Variants in RBM34 observed in about 807,000 individuals in gnomAD.
The protein encoded by RBM34 is RNA-binding protein 34.
RBM34 carries 39 observed loss-of-function variants against 44.6 expected under a neutral mutation model. The ratio of observed to expected loss-of-function variants is 0.87; its 90% confidence interval spans 0.68 to 1.14. RBM34 has a LOEUF of 1.14. Ranked by LOEUF, RBM34 falls within the 50% of genes most tolerant of loss-of-function variation. RBM34 has a pLI of 0.00. For missense variants in RBM34, 572 were observed against 517.9 expected (o/e 1.10, Z -1.01); for synonymous variants, 194 against 184.0 (o/e 1.05, Z -0.44).
intron 5 of RBM34, among the ~76,000 whole-genome samples, chr1:235,151,995 T>C (rs1228687355): frequency 6.6e-6 from 1 of 151,694 alleles, no homozygotes; most frequent in Non-Finnish European, 1.5e-5. Context: ...ATCGCACCAC[T>C]GCACTCCAGC....
intron 9 of RBM34, 35 bp downstream of exon 9, chr1:235,135,995 TTTAG>T (rs754451633): frequency 1.4e-6 from 2 of 1,458,634 alleles, no homozygotes; most frequent in Admixed American, 2.0e-5. Context: ...TTGTTATTTA[TTTAG>T]TAATATTAAC....
chr1:235,135,228 ATT>A (rs749295070), intron 10 of RBM34, among the ~76,000 whole-genome samples: 1 of 106,720 alleles, frequency 9.4e-6, no homozygotes, highest in African/African-American at 4.3e-5. Flanking sequence ...AATTTTTTGT[ATT>A]TTTTTTTTTC....
intron 5 of RBM34, among the ~76,000 whole-genome samples, chr1:235,152,117 C>T (rs532727535): frequency 1.3e-5 from 2 of 151,696 alleles, no homozygotes; most frequent in Admixed American, 6.6e-5. Context: ...CACTATGGTA[C>T]GTCAACTAAC....
chr1:235,140,117 C>A (rs982557402), intron 6 of RBM34, among the ~76,000 whole-genome samples: 1 of 152,246 alleles, frequency 6.6e-6, no homozygotes, highest in African/African-American at 2.4e-5. Context: ...GAGGTGACAG[C>A]GTGCTGGCAG....
At position 235,161,175 on chromosome 1, in the gene RBM34, C is replaced by T; in HGVS notation, c.52G>A (p.Gly18Arg). The T allele has an allele frequency of 6.3e-7, 1 of 1,599,276 alleles. No individual in the cohort carries two copies. The highest frequency in any genetic ancestry group is 8.5e-7 in the Non-Finnish European group (1 of 1,169,738). ...GTACTCGTGCCGCGCGCCACTCACC[C>T]CTCCTGGACACTTCTCTTTCTCTTC... ...KRKRKRSVQE[G>R]ENPDDGVRGS... The change falls in exon 1 of 11, where the codon GGA (glycine) becomes AGA (arginine). Residue 18 changes from glycine to arginine, a missense_variant and splice_region_variant. Gly to Arg is a moderately radical substitution (Grantham distance 125). Coordinates refer to ENST00000408888, the MANE Select transcript of RBM34 (RefSeq NM_015014.4).
intron 10 of RBM34, among the ~76,000 whole-genome samples, chr1:235,133,107 C>T (rs777481532): frequency 3.3e-5 from 5 of 152,152 alleles, no homozygotes; most frequent in Non-Finnish European, 7.4e-5. Context: ...TCTGGGAGGC[C>T]AAGGCGGATA....
Position 235,135,632 on chromosome 1 carries a change from A to G in RBM34, c.1008+20T>C. On this transcript the variant is annotated intron_variant, in intron 10 of 10. Transcript: ENST00000408888. ...CCAGGGCACTTCGAAGGACAGTGAC[A>G]ATGCATTAGTCTCCCATACCTCAAA... The G allele has an allele frequency of 6.3e-7, 1 of 1,584,642 alleles. No individual in the cohort carries two copies. Among genetic ancestry groups the G allele is most frequent in the Non-Finnish European group, 8.7e-7 (1 of 1,153,052 alleles).
intron 6 of RBM34, among the ~76,000 whole-genome samples, chr1:235,145,220 A>G (rs1661851598): frequency 6.6e-6 from 1 of 152,186 alleles, no homozygotes; most frequent in Non-Finnish European, 1.5e-5. Flanking sequence ...CACTCATAAG[A>G]GAAATTCAAA....
rs142786294 is a variant in RBM34 at position 235,135,914 on chromosome 1, G to A, written c.889+120C>T. 4,582 of 1,220,494 alleles carry A rather than the reference G, an allele frequency of 3.8e-3. 14 individuals are homozygous for A. Among genetic ancestry groups the A allele is most frequent in the Non-Finnish European group, 4.4e-3 (3,815 of 857,808 alleles). 75.6% of individuals were successfully genotyped at this position (1,220,494 alleles called of 1,614,324 possible). A position where few individuals can be genotyped will look rare whatever the true frequency, so the allele number is the denominator to read the frequency against. On this transcript the variant is annotated intron_variant, in intron 9 of 10. Coordinates refer to ENST00000408888, the MANE Select transcript of RBM34 (RefSeq NM_015014.4). ...CACTTTTTAGTACATGTGCTGCCAC[G>A]GCAAACACATTGCATGCTTTAAAAT...
Position 235,131,776 on chromosome 1 carries a change from AAGG to A in RBM34, c.1227_1229del (p.Leu410del), listed in dbSNP as rs769511188. On this transcript the variant is annotated inframe_deletion, in exon 11 of 11. Coordinates refer to ENST00000408888, the MANE Select transcript of RBM34 (RefSeq NM_015014.4). ...TCTTCTGTCCTTTCTTCTTCGTTTT[AAGG>A]AGAACAGCTTTTTCTCCAATAAATA... 82 of 1,613,354 alleles carry A rather than the reference AAGG, an allele frequency of 5.1e-5. No homozygotes were observed. Among genetic ancestry groups the A allele is most frequent in the South Asian group, 6.6e-5 (6 of 90,928 alleles).
intron 5 of RBM34, among the ~76,000 whole-genome samples, chr1:235,149,670 TG>T (rs905273813): frequency 1.3e-5 from 2 of 152,108 alleles, no homozygotes; most frequent in Non-Finnish European, 2.9e-5. Context: ...GAAAACTTTA[TG>T]GAAGAGGCAG....
intron 3 of RBM34, among the ~76,000 whole-genome samples, chr1:235,157,454 A>G (rs1662499815): frequency 6.6e-6 from 1 of 152,204 alleles, no homozygotes; most frequent in Non-Finnish European, 1.5e-5. Flanking sequence ...ATGCCAAGGA[A>G]CAGGACTGAT....
intron 6 of RBM34, among the ~76,000 whole-genome samples, chr1:235,143,757 C>T (rs572039872): frequency 6.6e-6 from 1 of 152,062 alleles, no homozygotes. Context: ...CAGTACAATA[C>T]AGTACAATAC....
At chr1:235,145,863 G>GAAGCCTC (rs983043826) in intron 6 of RBM34, among the ~76,000 whole-genome samples, 10 of 151,924 alleles carry the variant, frequency 6.6e-5, no homozygotes, top group African/African-American at 2.4e-4. Flanking sequence ...ACAGTTCACT[G>GAAGCCTC]AAGCCTCAAG....
At chr1:235,147,258 C>CA (rs921529151) in intron 6 of RBM34, among the ~76,000 whole-genome samples, 3 of 151,834 alleles carry the variant, frequency 2.0e-5, no homozygotes, top group African/African-American at 7.3e-5. Context: ...AACAAAGAAA[C>CA]AAAAAAACAA....
At chr1:235,159,911 A>G (rs1440930518) in intron 3 of RBM34, among the ~76,000 whole-genome samples, 1 of 151,992 alleles carries the variant, frequency 6.6e-6, no homozygotes, top group Non-Finnish European at 1.5e-5. Flanking sequence ...TTTTATATAC[A>G]TGCTGAAATA....
intron 10 of RBM34, among the ~76,000 whole-genome samples, chr1:235,135,049 GTT>G (rs796789432): frequency 8.2e-6 from 1 of 122,248 alleles, no homozygotes; most frequent in East Asian, 2.5e-4. Flanking sequence ...TGGCCGGTTT[GTT>G]TTTTTTTTTT....
At chr1:235,135,197 A>G (rs1259375799) in intron 10 of RBM34, among the ~76,000 whole-genome samples, 1 of 141,354 alleles carries the variant, frequency 7.1e-6, no homozygotes, top group Admixed American at 7.0e-5. Flanking sequence ...GGTATGAGCC[A>G]CCACATCTGG....
intron 3 of RBM34, among the ~76,000 whole-genome samples, chr1:235,158,935 T>C (rs1662569014): frequency 6.8e-6 from 1 of 146,500 alleles, no homozygotes; most frequent in South Asian, 2.2e-4. Flanking sequence ...CTGGGCAACA[T>C]AGCAAGACCC....
Sources: gnomAD v4.1 joint callset for allele counts (sites outside exome capture counted in the v4.1 genomes callset) on GRCh38, gnomAD v4.1.1 for gene constraint, MANE v1.5 for transcripts, NCBI Gene and HGNC (gene_info 2026-07-23, HGNC 2026-07-21) for gene names.